Variants in PLK5 observed in about 807,000 individuals in gnomAD.
PLK5 encodes polo like kinase 5 (inactive), also known as inactive serine/threonine-protein kinase PLK5.
In PLK5, 28 loss-of-function variants were observed where a neutral mutation model predicts 33.7. The observed-to-expected ratio is 0.83, with a 90% CI of 0.62 to 1.14. PLK5 has a LOEUF of 1.14. PLK5 is among the 50% of genes most tolerant of loss of function. The pLI, the probability that PLK5 is intolerant of heterozygous loss-of-function variation, is 0.00. For synonymous variants in PLK5, 225 were observed against 202.2 expected, an observed-to-expected ratio of 1.11 and a Z score of -0.96; for missense variants, 492 against 461.5, an observed-to-expected ratio of 1.07 and a Z score of -0.61.
chr19:1,535,420 C>T lies in PLK5; in HGVS notation c.*170C>T, dbSNP rs1914069999. The stretch of plus-strand genomic sequence containing the variant: ...TGTTCAACCCAGACTTTGCTGGGAT[C>T]TCTTCCTTTTTCATTAAAGACAATT... On this transcript the variant is annotated 3_prime_UTR_variant, in exon 14 of 14. Transcript: ENST00000454744. 1.5e-6 allele frequency: 1 copy of T among 656,670 alleles called. No individual in the cohort carries two copies. The highest frequency in any genetic ancestry group is 3.9e-5 in the Admixed American group (1 of 25,816). 40.7% of individuals were successfully genotyped at this position (656,670 alleles called of 1,614,324 possible). A position where few individuals can be genotyped will look rare whatever the true frequency, so the allele number is the denominator to read the frequency against.
chr19:1,533,054 G>C (rs1266876716), intron 12 of PLK5, among the ~76,000 whole-genome samples: 1 of 151,944 alleles, frequency 6.6e-6, no homozygotes, highest in Non-Finnish European at 1.5e-5. Context: ...AGGATCACTT[G>C]GTCCCAGGAG....
At position 1,535,273 on chromosome 19, in the gene PLK5, C is replaced by T. The variant is rs1475352894; in HGVS notation, c.*23C>T. On this transcript the variant is annotated 3_prime_UTR_variant, in exon 14 of 14. Transcript: ENST00000454744. Reference sequence around the variant, plus strand: ...TAGTGCCCCTGAGGGTCAGAGTGGACCCCTGCATGGTAGTGCCAGGGACCC... The same window carrying T: ...TAGTGCCCCTGAGGGTCAGAGTGGATCCCTGCATGGTAGTGCCAGGGACCC... 4 of 1,528,490 alleles carry T rather than the reference C, an allele frequency of 2.6e-6. No homozygotes were observed. The highest frequency in any genetic ancestry group is 3.5e-6 in the Non-Finnish European group (4 of 1,142,848). The allele number at this position is 1,528,490 out of a possible 1,614,324, so 94.7% of individuals were successfully genotyped here.
In PLK5 at chr19:1,529,281, G is replaced by T. The variant is rs1599304953; in HGVS notation, c.406-125G>T. 85 of 843,304 alleles carry T rather than the reference G, an allele frequency of 1.0e-4. No individual in the cohort carries two copies. In the East Asian group the frequency reaches 2.3e-3, roughly 22 times the overall value. 52.2% of individuals were successfully genotyped at this position (843,304 alleles called of 1,614,324 possible). On this transcript the variant is annotated intron_variant, in intron 9 of 13. Transcript: ENST00000454744. ...ACACTCCGAGGCTGCCTCCCAAGGG[G>T]AAAGCAGTGCCTCTGTGTGCAGAGC...
rs57882577 is a variant in PLK5 at position 1,524,600 on chromosome 19, CGTGTGTGTGTGT to C, written c.-544+375_-544+386del. 0.11 allele frequency among the ~76,000 whole-genome samples: 15,990 copies of C among 149,978 alleles called. 1,021 individuals carry two copies. The highest frequency in any genetic ancestry group is 0.19 in the East Asian group (979 of 5,044). On this transcript the variant is annotated intron_variant, in intron 1 of 13. Transcript: ENST00000454744. The surrounding 1 kb of genome is among the most constrained non-coding windows in gnomAD (Gnocchi z 4.5). The stretch of plus-strand genomic sequence containing the variant: ...AAGTGTCTGGGTGCTGTGCGGTGTT[CGTGTGTGTGTGT>C]GTGTGTGTGTGTGTGTGTGTCTGGG...
rs1914053876 is a variant in PLK5, at chr19:1,535,061, G to T, written c.826-4G>T. On this transcript the variant is annotated splice_polypyrimidine_tract_variant and splice_region_variant and intron_variant, in intron 13 of 13. Transcript: ENST00000454744. ...CCCCTTGACTGGTATCTTACCCTTT[G>T]CAGGTGAGCTTCAGTGGAGTCCCGG... 6.6e-7 allele frequency: 1 copy of T among 1,523,200 alleles called. No individual in the cohort carries two copies. The highest frequency in any genetic ancestry group is 2.1e-5 in the Admixed American group (1 of 47,972). The allele number at this position is 1,523,200 out of a possible 1,614,324, so 94.4% of individuals were successfully genotyped here.
At position 1,531,689 on chromosome 19, in the gene PLK5, T is replaced by C. The variant is rs1216792152; in HGVS notation, c.569-49T>C. 2.0e-6 allele frequency: 3 copies of C among 1,526,618 alleles called. No individual in the cohort carries two copies. In the Admixed American group the frequency reaches 6.1e-5, roughly 31 times the overall value. The allele number at this position is 1,526,618 out of a possible 1,614,324, so 94.6% of individuals were successfully genotyped here. On this transcript the variant is annotated intron_variant, in intron 11 of 13. Transcript: ENST00000454744. Reference sequence around the variant, plus strand: ...CATCACATTTATTGAGTGCCTACTATATGCCTGACCCCTGACCCCTGGCTC... The same window carrying C: ...CATCACATTTATTGAGTGCCTACTACATGCCTGACCCCTGACCCCTGGCTC...
At position 1,534,008 on chromosome 19, in the gene PLK5, C is replaced by T. The variant is rs1914012990; in HGVS notation, c.792C>T (p.Ala264=). The T allele has an allele frequency of 2.6e-6, 4 of 1,534,854 alleles. No homozygotes were observed. Among genetic ancestry groups the T allele is most frequent in the Non-Finnish European group, 3.5e-6 (4 of 1,146,228 alleles). Residue 264 remains alanine (A), a synonymous_variant, in exon 13 of 14, where the codon GCC becomes GCT. Coordinates refer to ENST00000454744, the MANE Select transcript of PLK5 (RefSeq NM_001243079.2). ...TGCGCTTCCTGGCCTCTGAGCACGC[C>T]CTGCTGCTGCTGTTCAGCAATGGGA... ...CLLRFLASEH[A]LLLLFSNGMV...
chr19:1,527,173 A>C (rs1913766977), intron 6 of PLK5, among the ~76,000 whole-genome samples, 175 bp downstream of exon 6: 1 of 151,094 alleles, frequency 6.6e-6, no homozygotes, highest in Non-Finnish European at 1.5e-5. Flanking sequence ...TGTGTGAGGG[A>C]GGACGGGGGA....
At chr19:1,527,053 G>A (rs1480597994) in intron 6 of PLK5, 55 bp downstream of exon 6, 11 of 171,942 alleles carry the variant, frequency 6.4e-5, no homozygotes, top group Admixed American at 5.8e-4. Flanking sequence ...CAGGTGTGGC[G>A]GGGGGGGAGC....
chr19:1,534,748 C>T (rs1324497253), intron 13 of PLK5, among the ~76,000 whole-genome samples: 8 of 151,000 alleles, frequency 5.3e-5, no homozygotes, highest in African/African-American at 1.7e-4. Flanking sequence ...ACCCGGGAGG[C>T]GGAGCTTGCA....
intron 11 of PLK5, among the ~76,000 whole-genome samples, chr19:1,530,309 T>G (rs1368755346): frequency 1.3e-5 from 2 of 152,142 alleles, no homozygotes; most frequent in African/African-American, 4.8e-5. Context: ...CTTTCTTTTT[T>G]TTTAAGAGAC....
Position 1,526,950 on chromosome 19 carries a change from G to A in PLK5, c.-47G>A. 5 of 1,529,862 alleles carry A rather than the reference G, an allele frequency of 3.3e-6. No homozygotes were observed. Among genetic ancestry groups the A allele is most frequent in the Non-Finnish European group, 4.4e-6 (5 of 1,143,084 alleles). 94.8% of individuals were successfully genotyped at this position (1,529,862 alleles called of 1,614,324 possible). A position where few individuals can be genotyped will look rare whatever the true frequency, so the allele number is the denominator to read the frequency against. ...TTCCTGGACCCTGAGGTTGTCTCCA[G>A]AAACGGTCACTCCTGCCAGTAGGAC... On this transcript the variant is annotated 5_prime_UTR_variant, in exon 6 of 14. Coordinates refer to ENST00000454744, the MANE Select transcript of PLK5 (RefSeq NM_001243079.2).
In PLK5 at chr19:1,535,409, T is replaced by A; in HGVS notation, c.*159T>A. 1.4e-6 allele frequency: 1 copy of A among 704,440 alleles called. No homozygotes were observed. 43.6% of individuals were successfully genotyped at this position (704,440 alleles called of 1,614,324 possible). A position where few individuals can be genotyped will look rare whatever the true frequency, so the allele number is the denominator to read the frequency against. On this transcript the variant is annotated 3_prime_UTR_variant, in exon 14 of 14. Coordinates refer to ENST00000454744, the MANE Select transcript of PLK5 (RefSeq NM_001243079.2). The stretch of plus-strand genomic sequence containing the variant: ...TGTGGCATGACTGTTCAACCCAGAC[T>A]TTGCTGGGATCTCTTCCTTTTTCAT...
chr19:1,531,067 G>A lies in PLK5; in HGVS notation c.569-671G>A, dbSNP rs191371729. On this transcript the variant is annotated intron_variant, in intron 11 of 13. Transcript: ENST00000454744. ...GATCGTGCCACTGCACTTCAGCCTG[G>A]GCAACAGAGCGAGACCCTGTCTGAA... 9.9e-5 allele frequency among the ~76,000 whole-genome samples: 15 copies of A among 151,958 alleles called. No homozygotes were observed. The East Asian group carries it at 2.2e-3, about 22-fold the overall frequency.
At chr19:1,527,794 G>A in intron 6 of PLK5, 142 bp from the exon 7 acceptor site, 3 of 824,022 alleles carry the variant, frequency 3.6e-6, no homozygotes, top group Non-Finnish European at 5.6e-6. Context: ...TGCACAGGGT[G>A]CTAGGTGCAG....
intron 7 of PLK5, 55 bp downstream of exon 7, chr19:1,528,189 G>C: frequency 6.7e-7 from 1 of 1,489,392 alleles, no homozygotes; most frequent in Non-Finnish European, 8.9e-7. Flanking sequence ...GGCAGGTGAT[G>C]AGCCAGAGCC....
Position 1,526,480 on chromosome 19 carries a change from C to G in PLK5, c.-312-6C>G. ...CTTCTAATCCGGGGCCGCTGGTCAC[C>G]CACAGTCTTTGGCCCACGTGCTGAG... On this transcript the variant is annotated splice_polypyrimidine_tract_variant and splice_region_variant and intron_variant, in intron 3 of 13. Coordinates refer to ENST00000454744, the MANE Select transcript of PLK5 (RefSeq NM_001243079.2). 4.0e-6 allele frequency: 1 copy of G among 249,296 alleles called. No homozygotes were observed. The allele number at this position is 249,296 out of a possible 1,614,324, so 15.4% of individuals were successfully genotyped here.
rs1020285862 is a variant in PLK5 at position 1,525,578 on chromosome 19, C to T, written c.-429-17C>T. On this transcript the variant is annotated splice_polypyrimidine_tract_variant and intron_variant, in intron 2 of 13. Coordinates refer to ENST00000454744, the MANE Select transcript of PLK5 (RefSeq NM_001243079.2). ...TGCCCCGCTGCAGGCGGGTACATGT[C>T]GGGGCCGTGCCTGCAGGTGGAGCGT... is the stretch of plus-strand genomic sequence containing the variant. 7.2e-5 allele frequency: 11 copies of T among 152,632 alleles called. No homozygotes were observed. The highest frequency in any genetic ancestry group is 2.4e-4 in the African/African-American group (10 of 41,438). The allele number at this position is 152,632 out of a possible 1,614,324, so 9.5% of individuals were successfully genotyped here. A position where few individuals can be genotyped will look rare whatever the true frequency, so the allele number is the denominator to read the frequency against.
intron 6 of PLK5, among the ~76,000 whole-genome samples, chr19:1,527,574 C>T (rs1913776679): frequency 6.6e-6 from 1 of 151,694 alleles, no homozygotes; most frequent in Non-Finnish European, 1.5e-5. Flanking sequence ...GGCACTCCAG[C>T]CTGGGTGACA....
Sources: allele counts gnomAD v4.1 joint callset (sites outside exome capture counted in the v4.1 genomes callset), GRCh38; gene constraint gnomAD v4.1.1; non-coding constraint Gnocchi (gnomAD v3.1); transcripts MANE v1.5; gene names NCBI Gene and HGNC (gene_info 2026-07-23, HGNC 2026-07-21).